Variants in TMEM9B observed in about 807,000 individuals in gnomAD.
The protein encoded by TMEM9B is transmembrane protein 9B.
In TMEM9B, 8 loss-of-function variants were observed where a neutral mutation model predicts 23.5. The observed-to-expected ratio is 0.34, with a 90% confidence interval of 0.20 to 0.61. The LOEUF (loss-of-function observed/expected upper bound fraction) is 0.61. Among genes scored for constraint, TMEM9B ranks in the 20% least tolerant of loss-of-function variants. TMEM9B has a pLI of 0.78. For missense variants in TMEM9B, 197 were observed against 252.3 expected (o/e 0.78, Z 1.49); for synonymous variants, 106 against 96.3 (o/e 1.10, Z -0.59).
chr11:8,959,723 G>C (rs1165121538), intron 2 of TMEM9B, among the ~76,000 whole-genome samples: 1 of 152,124 alleles, frequency 6.6e-6, no homozygotes. Flanking sequence ...CCTAGTCAGA[G>C]GTTAACCACT....
In TMEM9B at chr11:8,953,224, T is replaced by C; in HGVS notation, c.420A>G (p.Ile140Met). 6.2e-7 allele frequency: 1 copy of C among 1,614,166 alleles called. No homozygotes were observed. The highest frequency in any genetic ancestry group is 8.5e-7 in the Non-Finnish European group (1 of 1,180,030). The change falls in exon 4 of 5, where the codon ATA becomes ATG. Residue 140 changes from isoleucine to methionine, a missense_variant. Ile to Met is a conservative substitution (Grantham distance 10). Coordinates refer to ENST00000534025, the MANE Select transcript of TMEM9B (RefSeq NM_020644.3). ...KRRLFGHAQL[I>M]QSDDDIGDHQ... is the part of the protein sequence containing the mutation. ...TTACCCCAATATCATCATCACTCTGTATCAACTGTGCATGTCCAAAGAGGC... is the reference window on the plus strand; with the variant it reads ...TTACCCCAATATCATCATCACTCTGCATCAACTGTGCATGTCCAAAGAGGC...
chr11:8,956,637 A>C (rs1286726039), intron 2 of TMEM9B, among the ~76,000 whole-genome samples: 1 of 152,192 alleles, frequency 6.6e-6, no homozygotes, highest in African/African-American at 2.4e-5. Context: ...GTTACTAAGG[A>C]AAACTACTTA....
intron 2 of TMEM9B, among the ~76,000 whole-genome samples, chr11:8,960,512 T>A (rs1373051709): frequency 2.6e-5 from 4 of 152,068 alleles, no homozygotes; most frequent in African/African-American, 9.7e-5. Flanking sequence ...CCTGTCTGAG[T>A]CTGAAATAAT....
rs770553554 is a variant in TMEM9B at position 8,962,140 on chromosome 11, T to C, written c.149A>G (p.Lys50Arg). ...ATTATAAATATGCCCAGAATTTTCT[T>C]TATAGGGAGGGCAGATACATTTACA... ...VRCKCICPPYKENSGHIYNKN... is the reference protein window; with the variant it reads ...VRCKCICPPYRENSGHIYNKN... The change falls in exon 2 of 5, where the codon AAA becomes AGA. Residue 50 changes from lysine to arginine, a missense_variant. Transcript: ENST00000534025. 12 of 1,605,416 alleles carry C rather than the reference T, an allele frequency of 7.5e-6. No homozygotes were observed. The highest frequency in any genetic ancestry group is 1.7e-4 in the Middle Eastern group (1 of 6,014).
intron 1 of TMEM9B, 103 bp from the exon 2 acceptor site, chr11:8,962,286 A>G (rs183271106): frequency 1.3e-5 from 9 of 680,746 alleles, no homozygotes; most frequent in African/African-American, 1.1e-4. Context: ...TTAGAATACC[A>G]AGTATTCTAA....
At chr11:8,963,912 G>C (rs1055666215) in intron 1 of TMEM9B, 1 of 441,360 alleles carries the variant, frequency 2.3e-6, no homozygotes. Flanking sequence ...GATGCGTGCA[G>C]CCGGGGCTGG....
At chr11:8,948,653 C>T (rs905732814) in intron 4 of TMEM9B, among the ~76,000 whole-genome samples, 178 bp from the exon 5 acceptor site, 8 of 152,270 alleles carry the variant, frequency 5.3e-5, no homozygotes, top group Middle Eastern at 3.4e-3. Flanking sequence ...AACTCAAGTA[C>T]AGACCTAGGT....
chr11:8,951,745 G>T (rs1368188429), intron 4 of TMEM9B, among the ~76,000 whole-genome samples: 1 of 148,292 alleles, frequency 6.7e-6, no homozygotes. Context: ...GCAACAGAGC[G>T]AGACTGCGTC....
At chr11:8,962,362 A>C (rs1854096349) in intron 1 of TMEM9B, among the ~76,000 whole-genome samples, 179 bp from the exon 2 acceptor site, 1 of 152,222 alleles carries the variant, frequency 6.6e-6, no homozygotes, top group Non-Finnish European at 1.5e-5. Context: ...GGTAATGCCA[A>C]TGAATCATTA....
At position 8,956,217 on chromosome 11, in the gene TMEM9B, A is replaced by G; in HGVS notation, c.279T>C (p.Tyr93=). ...TGATTGTGACAGAGCTTCTTTCTTC[A>G]TATTTGCATTCACAGCGTAGACAGT... The part of the protein sequence containing the change: ...EAYCLRCECK[Y]EERSSVTIKV... Residue 93 remains tyrosine (Y), a synonymous_variant, in exon 3 of 5, where the codon TAT becomes TAC. Transcript: ENST00000534025. 2 of 1,613,718 alleles carry G rather than the reference A, an allele frequency of 1.2e-6. No individual in the cohort carries two copies. Among genetic ancestry groups the G allele is most frequent in the Non-Finnish European group, 8.5e-7 (1 of 1,179,980 alleles).
chr11:8,964,469 CG>C, upstream of TMEM9B: 8 of 1,421,460 alleles, frequency 5.6e-6, no homozygotes, highest in Non-Finnish European at 7.3e-6. Context: ...CCGGGCGCGC[CG>C]GGTCAGATGC....
chr11:8,953,013 A>C (rs1035172891), intron 4 of TMEM9B, 190 bp downstream of exon 4: 1 of 682,348 alleles, frequency 1.5e-6, no homozygotes, highest in Admixed American at 2.3e-5. Flanking sequence ...TTAAATCATC[A>C]CATTTATGGC....
intron 4 of TMEM9B, among the ~76,000 whole-genome samples, chr11:8,949,182 A>T (rs2134859004): frequency 6.6e-6 from 1 of 152,294 alleles, no homozygotes; most frequent in African/African-American, 2.4e-5. Context: ...ATTGTTAAGC[A>T]CCCAGTGGCT....
chr11:8,964,098 AGGCGTAT>A (rs1436507544), intron 1 of TMEM9B, 104 bp downstream of exon 1: 21 of 1,075,736 alleles, frequency 2.0e-5, no homozygotes, highest in South Asian at 4.9e-5. Flanking sequence ...CTGTGAGGCC[AGGCGTAT>A]GGCTGTCAGG....
At chr11:8,959,393 G>A (rs1253584899) in intron 2 of TMEM9B, among the ~76,000 whole-genome samples, 4 of 152,176 alleles carry the variant, frequency 2.6e-5, no homozygotes, top group East Asian at 3.8e-4. Context: ...AGCTATGATC[G>A]TGCCACTGCA....
At chr11:8,949,970 C>T (rs1853845456) in intron 4 of TMEM9B, among the ~76,000 whole-genome samples, 1 of 151,368 alleles carries the variant, frequency 6.6e-6, no homozygotes, top group African/African-American at 2.4e-5. Flanking sequence ...GTGATCACAG[C>T]TCACTGCAGC....
intron 2 of TMEM9B, among the ~76,000 whole-genome samples, chr11:8,960,540 A>C (rs1854057608): frequency 6.6e-6 from 1 of 152,244 alleles, no homozygotes; most frequent in African/African-American, 2.4e-5. Context: ...TAGTGAAAAG[A>C]TTAGTGCTAA....
In TMEM9B at chr11:8,956,180, T is replaced by C. The variant is rs777875689; in HGVS notation, c.306+10A>G. On this transcript the variant is annotated intron_variant, in intron 3 of 4. Transcript: ENST00000534025. ...AGACAGACAGGTAGATAGAGGGATA[T>C]ATATTTTACCTTGATTGTGACAGAG... 25 of 1,608,732 alleles carry C rather than the reference T, an allele frequency of 1.6e-5. No homozygotes were observed. The highest frequency in any genetic ancestry group is 2.0e-5 in the Non-Finnish European group (24 of 1,176,676).
In TMEM9B at chr11:8,948,095, A is replaced by G. The variant is rs1172180021; in HGVS notation, c.*225T>C. On this transcript the variant is annotated 3_prime_UTR_variant, in exon 5 of 5. Transcript: ENST00000534025. ...ATTTTTATTAGTAAAAGTCACAAAT[A>G]GGAAAAGACTTATTGGCTGACTTTG... 2.4e-6 allele frequency: 1 copy of G among 417,364 alleles called. No individual in the cohort carries two copies. Among genetic ancestry groups the G allele is most frequent in the African/African-American group, 2.0e-5 (1 of 49,770 alleles). The allele number at this position is 417,364 out of a possible 1,614,324, so 25.9% of individuals were successfully genotyped here. A position where few individuals can be genotyped will look rare whatever the true frequency, so the allele number is the denominator to read the frequency against.
Sources: allele counts gnomAD v4.1 joint callset (sites outside exome capture counted in the v4.1 genomes callset), GRCh38; gene constraint gnomAD v4.1.1; transcripts MANE v1.5; gene names NCBI Gene and HGNC (gene_info 2026-07-23, HGNC 2026-07-21).